TPO: variants seen among roughly 807,000 people sequenced by gnomAD.
TPO encodes thyroid peroxidase.
Under a neutral mutation model 96.9 loss-of-function variants are expected in TPO, and 78 were observed. That is an observed-to-expected ratio of 0.81 (90% CI 0.67 to 0.97). The LOEUF is 0.97. TPO is among the 50% of genes least tolerant of loss of function. The pLI is 0.00. For synonymous variants in TPO, 547 were observed against 538.0 expected, an observed-to-expected ratio of 1.02 and a Z score of -0.23; for missense variants, 1,252 against 1,274.8, an observed-to-expected ratio of 0.98 and a Z score of 0.27.
At position 1,433,510 on chromosome 2, in the gene TPO, C is replaced by T. The variant is rs771322429; in HGVS notation, c.252C>T (p.Ser84=). The part of the protein sequence containing the change: ...LSFSKLPEPT[S]GVIARAAEIM... ...TTTCCAAACTTCCTGAGCCAACAAGCGGAGTGATTGCCCGAGCAGCAGAGA... is the reference window on the plus strand; with the variant it reads ...TTTCCAAACTTCCTGAGCCAACAAGTGGAGTGATTGCCCGAGCAGCAGAGA... The change falls in exon 4 of 17, where the codon AGC becomes AGT. Residue 84 remains serine, a synonymous_variant. Coordinates refer to ENST00000329066, the MANE Select transcript of TPO (RefSeq NM_001206744.2). The T allele has an allele frequency of 3.5e-5, 57 of 1,614,030 alleles. No individual in the cohort carries two copies. The highest frequency in any genetic ancestry group is 1.5e-4 in the African/African-American group (11 of 74,902).
At chr2:1,461,243 C>A (rs968177887) in intron 7 of TPO, among the ~76,000 whole-genome samples, 29 of 152,282 alleles carry the variant, frequency 1.9e-4, no homozygotes, top group Middle Eastern at 3.4e-3. Flanking sequence ...GCCCCACACA[C>A]CCGCCCCCAG....
Position 1,398,014 on chromosome 2 carries a change from C to T in TPO, n.180+23612C>T, listed in dbSNP as rs574996665. ...AAAGGGTACAAGAAAAGTAGCGTTCCGCACATTTTCAGGCATGCAACTTCA... is the reference window on the plus strand; with the variant it reads ...AAAGGGTACAAGAAAAGTAGCGTTCTGCACATTTTCAGGCATGCAACTTCA... On this transcript the variant is annotated intron_variant and non_coding_transcript_variant, in intron 1 of 5. Transcript: ENST00000497517. 1.5e-4 allele frequency among the ~76,000 whole-genome samples: 23 copies of T among 152,300 alleles called. No individual in the cohort carries two copies. In the East Asian group the frequency reaches 2.9e-3, roughly 19 times the overall value.
rs550745064 is a variant in TPO, at chr2:1,440,190, C to A, written c.482+3806C>A. 9.7e-5 allele frequency among the ~76,000 whole-genome samples: 14 copies of A among 145,052 alleles called. No individual in the cohort carries two copies. In the East Asian group the frequency reaches 2.4e-3, roughly 25 times the overall value. ...ACCGTGCTGCGTTTCCACCGTGCTG[C>A]ATTTCCTGCATTCCAAAGCGACCTT... On this transcript the variant is annotated intron_variant, in intron 5 of 16. Transcript: ENST00000329066.
At chr2:1,453,617 G>A (rs775768912) in intron 5 of TPO, 77 bp from the exon 6 acceptor site, 17 of 1,609,644 alleles carry the variant, frequency 1.1e-5, no homozygotes, top group East Asian at 2.2e-5. Flanking sequence ...CCTGAGAATG[G>A]TGTCTTATAT....
chr2:1,505,460 T>C (rs1673326969), intron 14 of TPO, among the ~76,000 whole-genome samples: 1 of 67,880 alleles, frequency 1.5e-5, no homozygotes, highest in African/African-American at 6.2e-5. Flanking sequence ...TGCACCCCTC[T>C]TCCTGTGTCA....
chr2:1,480,849 A>ACGTCCCTGCTGCTGCGTC (rs1491437363), intron 8 of TPO, among the ~76,000 whole-genome samples: 13 of 151,376 alleles, frequency 8.6e-5, no homozygotes, highest in Admixed American at 4.6e-4. Context: ...TGTCCTCACC[A>ACGTCCCTGCTGCTGCGTC]TACCCACTCT....
intron 7 of TPO, 62 bp from the exon 8 acceptor site, chr2:1,477,024 C>T (rs1670011858): frequency 3.9e-6 from 6 of 1,553,974 alleles, no homozygotes; most frequent in South Asian, 2.4e-5. Flanking sequence ...CCTCGAACTT[C>T]CAGAGTCTTA....
chr2:1,408,974 G>A (rs1490652827), upstream of TPO, among the ~76,000 whole-genome samples: 2 of 152,176 alleles, frequency 1.3e-5, no homozygotes, highest in Non-Finnish European at 2.9e-5. Context: ...AGTCACCCCC[G>A]ATGGCATGGG....
chr2:1,477,779 C>T (rs1208634353), intron 8 of TPO, 175 bp downstream of exon 8: 34 of 985,334 alleles, frequency 3.5e-5, no homozygotes, highest in South Asian at 9.4e-5. Flanking sequence ...TCCTGCTGGG[C>T]GCCCTGCATG....
chr2:1,529,582 C>G (rs58468902), intron 15 of TPO, among the ~76,000 whole-genome samples: 1 of 136,080 alleles, frequency 7.3e-6, no homozygotes, highest in African/African-American at 3.0e-5. Context: ...CCTCAAATCC[C>G]CCACCACTCA....
intron 1 of TPO, among the ~76,000 whole-genome samples, chr2:1,388,988 G>C (rs973902036): frequency 3.3e-5 from 5 of 152,184 alleles, no homozygotes; most frequent in African/African-American, 4.8e-5. Context: ...ATACATTCTT[G>C]TTCTAAATAA....
At chr2:1,419,243 T>C (rs1272852809) in intron 2 of TPO, among the ~76,000 whole-genome samples, 1 of 152,096 alleles carries the variant, frequency 6.6e-6, no homozygotes, top group Non-Finnish European at 1.5e-5. Flanking sequence ...CGTGACTCCC[T>C]AGAACTCAGT....
intron 5 of TPO, among the ~76,000 whole-genome samples, chr2:1,452,608 C>T (rs188386938): frequency 4.8e-4 from 73 of 152,276 alleles, no homozygotes; most frequent in African/African-American, 1.7e-3. Context: ...ATAGGAATGC[C>T]ATCTGGCCCT....
At chr2:1,465,807 A>G (rs1668844549) in intron 7 of TPO, among the ~76,000 whole-genome samples, 2 of 152,144 alleles carry the variant, frequency 1.3e-5, no homozygotes, top group African/African-American at 4.8e-5. Context: ...AGGAGTCTTT[A>G]GGGTTTTCTA....
intron 16 of TPO, 108 bp downstream of exon 16, chr2:1,540,831 G>A (rs774131277): frequency 2.5e-6 from 4 of 1,588,592 alleles, no homozygotes; most frequent in Admixed American, 3.6e-5. Flanking sequence ...TGTTTACTCC[G>A]TGTTTCCTAG....
chr2:1,459,946 CT>C (rs142248718), intron 7 of TPO, among the ~76,000 whole-genome samples: 42,317 of 139,730 alleles, frequency 0.3, 6,338 homozygotes, highest in Admixed American at 0.35. Context: ...TTCTTTCTTT[CT>C]TTTTTTTTTT....
intron 2 of TPO, among the ~76,000 whole-genome samples, 183 bp from the exon 3 acceptor site, chr2:1,422,862 G>A (rs1468638647): frequency 6.6e-6 from 1 of 152,158 alleles, no homozygotes; most frequent in Non-Finnish European, 1.5e-5. Context: ...GGGGGTGGAC[G>A]CCCCTCTGTA....
intron 10 of TPO, among the ~76,000 whole-genome samples, chr2:1,491,704 C>A (rs1671783002): frequency 1.3e-5 from 2 of 152,200 alleles, no homozygotes; most frequent in African/African-American, 2.4e-5. Flanking sequence ...GTTACCTATT[C>A]CTGGAGCTGA....
intron 16 of TPO, chr2:1,541,011 T>A: frequency 7.2e-7 from 1 of 1,385,654 alleles, no homozygotes. Context: ...GAGGATCGGC[T>A]GGAAGCACAG....
Sources: gnomAD v4.1 joint callset for allele counts (sites outside exome capture counted in the v4.1 genomes callset) on GRCh38, gnomAD v4.1.1 for gene constraint, MANE v1.5 for transcripts, NCBI Gene and HGNC (gene_info 2026-07-23, HGNC 2026-07-21) for gene names.